DLGAP2: variants seen among roughly 807,000 people sequenced by gnomAD.
DLGAP2 encodes disks large-associated protein 2.
A neutral mutation model predicts 100.3 loss-of-function variants in DLGAP2; 26 were observed. The observed-to-expected ratio is 0.26, with a 90% CI of 0.19 to 0.36. The LOEUF is 0.36. Among genes scored for constraint, DLGAP2 ranks in the 10% least tolerant of loss-of-function variants. The pLI, the probability that DLGAP2 is intolerant of heterozygous loss-of-function variation, is 1.00. For missense variants in DLGAP2, 1,858 were observed against 1,453.2 expected (o/e 1.28, Z -4.53); for synonymous variants, 886 against 630.1 (o/e 1.41, Z -6.08).
At chr8:1,574,262 G>T (rs1007411487) in intron 6 of DLGAP2, among the ~76,000 whole-genome samples, 5 of 152,084 alleles carry the variant, frequency 3.3e-5, no homozygotes, top group African/African-American at 1.2e-4. Flanking sequence ...TGTATGGGGG[G>T]TAACGTGAGA....
At chr8:1,106,123 T>G (rs544153172) in intron 2 of DLGAP2, among the ~76,000 whole-genome samples, 1 of 128,766 alleles carries the variant, frequency 7.8e-6, no homozygotes. Flanking sequence ...TCCAGGAGGG[T>G]TTTCTATTGA....
At chr8:804,353 G>A (rs569660649) in intron 1 of DLGAP2, among the ~76,000 whole-genome samples, 2 of 152,302 alleles carry the variant, frequency 1.3e-5, no homozygotes, top group South Asian at 4.1e-4. Flanking sequence ...GGCAGGCAGC[G>A]ATGGTCTCTG....
In DLGAP2 at chr8:1,704,328, T is replaced by TA. The variant is rs1799648534; in HGVS notation, c.*2923dup. ...ACCCCATACCTACATTCCCTAATGA[T>TA]ACAGCCAATGACAGGTGAAACCCAG... On this transcript the variant is annotated 3_prime_UTR_variant, in exon 15 of 15. Transcript: ENST00000637795. 6.6e-6 allele frequency: 1 copy of TA among 152,238 alleles called. No individual in the cohort carries two copies. The highest frequency in any genetic ancestry group is 1.5e-5 in the Non-Finnish European group (1 of 68,050). 9.4% of individuals were successfully genotyped at this position (152,238 alleles called of 1,614,324 possible).
At chr8:860,727 T>C (rs1168210547) in intron 1 of DLGAP2, among the ~76,000 whole-genome samples, 2 of 152,184 alleles carry the variant, frequency 1.3e-5, no homozygotes, top group African/African-American at 4.8e-5. Flanking sequence ...AAAAACATAA[T>C]CGTGTGCGTG....
In DLGAP2 at chr8:1,357,176, G is replaced by A. The variant is rs191673267; in HGVS notation, c.106+98293G>A. Among the ~76,000 whole-genome samples, 234 of 152,238 alleles carry A rather than the reference G, an allele frequency of 1.5e-3. 1 individual carries two copies. Among genetic ancestry groups the A allele is most frequent in the African/African-American group, 5.3e-3 (222 of 41,558 alleles). On this transcript the variant is annotated intron_variant, in intron 3 of 14. Coordinates refer to ENST00000637795, the MANE Select transcript of DLGAP2 (RefSeq NM_001346810.2). Reference sequence around the variant, plus strand: ...CAGTCTGTGGACCAGGAAACGAGCCGCTGGGGATCTCAGTCGCAAGGGTGC... The same window carrying A: ...CAGTCTGTGGACCAGGAAACGAGCCACTGGGGATCTCAGTCGCAAGGGTGC...
intron 7 of DLGAP2, among the ~76,000 whole-genome samples, chr8:1,632,116 G>C (rs1797662257): frequency 6.6e-6 from 1 of 151,886 alleles, no homozygotes; most frequent in Non-Finnish European, 1.5e-5. Context: ...AAGGGAGGGA[G>C]GATGGGAGGG....
intron 6 of DLGAP2, among the ~76,000 whole-genome samples, chr8:1,582,550 A>T (rs984855390): frequency 6.6e-6 from 1 of 150,692 alleles, no homozygotes; most frequent in Non-Finnish European, 1.5e-5. Flanking sequence ...ATTCATTGCT[A>T]GCAGACCAGT....
intron 1 of DLGAP2, among the ~76,000 whole-genome samples, chr8:760,278 T>G (rs1192211346): frequency 1.3e-5 from 2 of 152,154 alleles, no homozygotes; most frequent in Non-Finnish European, 1.5e-5. Context: ...GGGGTTTCTT[T>G]CCTGAAGTCT....
intron 3 of DLGAP2, among the ~76,000 whole-genome samples, chr8:1,423,857 C>G (rs753489859): frequency 6.6e-6 from 1 of 152,170 alleles, no homozygotes; most frequent in Non-Finnish European, 1.5e-5. Flanking sequence ...GACACTTGCA[C>G]GTCTACAGCC....
chr8:1,062,310 G>T (rs369036918), intron 2 of DLGAP2, among the ~76,000 whole-genome samples: 1 of 152,214 alleles, frequency 6.6e-6, no homozygotes, highest in Non-Finnish European at 1.5e-5. Flanking sequence ...GCAGAGCTCC[G>T]TGGCAGCCTG....
chr8:1,464,358 C>A lies in DLGAP2; in HGVS notation c.107-37008C>A, dbSNP rs11778408. ...GCACCCTTCCAGGACGGCACCCTTC[C>A]AGGACAACGCCCTTCCAGGATGGCA... On this transcript the variant is annotated intron_variant, in intron 3 of 14. Transcript: ENST00000637795. Among the ~76,000 whole-genome samples the A allele has an allele frequency of 2.9e-4, 41 of 139,826 alleles. 3 individuals are homozygous for A. The highest frequency in any genetic ancestry group is 9.4e-4 in the African/African-American group (35 of 37,048). The allele number at this position is 139,826 out of a possible 152,430, so 91.7% of individuals were successfully genotyped here.
intron 3 of DLGAP2, among the ~76,000 whole-genome samples, chr8:1,427,096 TAAG>T (rs964692018): frequency 3.3e-5 from 5 of 152,276 alleles, no homozygotes; most frequent in African/African-American, 7.2e-5. Context: ...AAATAAAAGA[TAAG>T]AAACACTACA....
At chr8:1,465,432 G>C (rs1209517909) in intron 3 of DLGAP2, among the ~76,000 whole-genome samples, 1 of 151,382 alleles carries the variant, frequency 6.6e-6, no homozygotes, top group Admixed American at 6.6e-5. Flanking sequence ...GAGATGAGCA[G>C]AGGGAAGGGG....
intron 1 of DLGAP2, among the ~76,000 whole-genome samples, chr8:890,423 G>A (rs1242927694): frequency 6.6e-6 from 1 of 152,070 alleles, no homozygotes; most frequent in South Asian, 2.1e-4. Flanking sequence ...TGGGAATATA[G>A]TTCGGGAATT....
At chr8:1,317,693 AGTG>A in intron 3 of DLGAP2, among the ~76,000 whole-genome samples, 1 of 124,150 alleles carries the variant, frequency 8.1e-6, no homozygotes, top group East Asian at 2.3e-4. Context: ...TCTCTCCAAC[AGTG>A]GTCTACACTC....
chr8:1,194,960 G>C (rs1296524226), intron 2 of DLGAP2, among the ~76,000 whole-genome samples: 2 of 152,130 alleles, frequency 1.3e-5, no homozygotes, highest in African/African-American at 4.8e-5. Context: ...GGCTGTCCCA[G>C]CATAGGGCTG....
At position 758,821 on chromosome 8, in the gene DLGAP2, G is replaced by A. The variant is rs372124365; in HGVS notation, c.18+20996G>A. ...AAGTGATCTACCCGCCTCAGCTCCC[G>A]AAGTGCTGAGATTACAGATGTGAGT... On this transcript the variant is annotated intron_variant, in intron 1 of 14. Transcript: ENST00000637795. Among the ~76,000 whole-genome samples, 78 of 152,108 alleles carry A rather than the reference G, an allele frequency of 5.1e-4. 2 individuals carry two copies. The South Asian group carries it at 9.8e-3, about 19-fold the overall frequency.
chr8:1,034,063 T>C (rs370266263), intron 2 of DLGAP2, among the ~76,000 whole-genome samples: 4 of 54,216 alleles, frequency 7.4e-5, no homozygotes, highest in South Asian at 7.1e-4. Flanking sequence ...TCACCGCGAG[T>C]GGGTTCACAG....
At chr8:1,423,615 G>A (rs1228516716) in intron 3 of DLGAP2, among the ~76,000 whole-genome samples, 1 of 152,222 alleles carries the variant, frequency 6.6e-6, no homozygotes, top group African/African-American at 2.4e-5. Context: ...GGGAGCAGAG[G>A]CTGCTGGGAC....
Sources: allele counts gnomAD v4.1 joint callset (sites outside exome capture counted in the v4.1 genomes callset), GRCh38; gene constraint gnomAD v4.1.1; transcripts MANE v1.5; gene names NCBI Gene and HGNC (gene_info 2026-07-23, HGNC 2026-07-21).